Variants in MBP observed in about 807,000 individuals in gnomAD.
MBP encodes Golli-MBP.
A neutral mutation model predicts 35.8 loss-of-function variants in MBP; 16 were observed. The ratio of observed to expected loss-of-function variants is 0.45; its 90% CI spans 0.30 to 0.68. The LOEUF is 0.68. MBP is among the 30% of genes least tolerant of loss of function. The pLI is 0.08. For synonymous variants in MBP, 143 were observed against 159.6 expected (o/e 0.90, Z 0.78); for missense variants, 380 against 404.7 (o/e 0.94, Z 0.52).
At chr18:77,035,993 C>A (rs181323770) in intron 3 of MBP, among the ~76,000 whole-genome samples, 1 of 152,314 alleles carries the variant, frequency 6.6e-6, no homozygotes, top group African/African-American at 2.4e-5. Flanking sequence ...ACCGTCAGTT[C>A]TTGGGTCAAA....
intron 4 of MBP, chr18:77,016,538 A>C: frequency 7.9e-7 from 1 of 1,258,768 alleles, no homozygotes; most frequent in Non-Finnish European, 1.0e-6. Flanking sequence ...TCTTTCTGCA[A>C]CGCCCATGTC....
chr18:77,071,765 G>A (rs1184453076), intron 2 of MBP, among the ~76,000 whole-genome samples: 1 of 152,134 alleles, frequency 6.6e-6, no homozygotes, highest in East Asian at 1.9e-4. Context: ...GCCAAATTGG[G>A]TGCTTCAAAA....
intron 8 of MBP, chr18:76,981,424 C>G (rs997420419): frequency 6.6e-6 from 1 of 152,200 alleles, no homozygotes; most frequent in African/African-American, 2.4e-5. Flanking sequence ...TGCCCAGTAA[C>G]ACAAATAACC....
chr18:77,073,230 A>G (rs1248558695), intron 2 of MBP, among the ~76,000 whole-genome samples: 1 of 152,184 alleles, frequency 6.6e-6, no homozygotes, highest in Admixed American at 6.5e-5. Flanking sequence ...ATGTATATAT[A>G]TAAAAAGACT....
At position 77,044,635 on chromosome 18, in the gene MBP, G is replaced by C. The variant is rs10439001; in HGVS notation, c.139+21663C>G. The stretch of plus-strand genomic sequence containing the variant: ...CCCTCCGGTCACACCCTTCCATCCC[G>C]TGTGGTGCTGAGCCCCTCACACACA... On this transcript the variant is annotated intron_variant, in intron 3 of 8. Transcript: ENST00000355994. This position sits in a 1 kb window ranked among gnomAD's most constrained non-coding sequence, Gnocchi z 4.4. 1.8e-4 allele frequency among the ~76,000 whole-genome samples: 27 copies of C among 152,028 alleles called. No homozygotes were observed. The highest frequency in any genetic ancestry group is 5.1e-4 in the African/African-American group (21 of 41,432).
Position 76,980,363 on chromosome 18 carries a change from G to T in MBP, c.*64C>A. ...CTAATTAGGTAACAGGGGCAAGTGG[G>T]ATTAAAGTTTTAAGGCAGTTATATT... On this transcript the variant is annotated 3_prime_UTR_variant, in exon 9 of 9. Transcript: ENST00000355994. The T allele has an allele frequency of 6.9e-7, 1 of 1,442,000 alleles. No individual in the cohort carries two copies. The highest frequency in any genetic ancestry group is 9.8e-7 in the Non-Finnish European group (1 of 1,022,834). The allele number at this position is 1,442,000 out of a possible 1,614,324, so 89.3% of individuals were successfully genotyped here.
At chr18:76,987,428 T>A in intron 7 of MBP, 1 of 985,472 alleles carries the variant, frequency 1.0e-6, no homozygotes, top group Non-Finnish European at 1.2e-6. Context: ...ATATCTTAGT[T>A]CATAATTCAG....
At chr18:76,980,553 T>G in intron 8 of MBP, 82 bp from the exon 9 acceptor site, 2 of 1,078,168 alleles carry the variant, frequency 1.9e-6, no homozygotes, top group Non-Finnish European at 2.9e-6. Flanking sequence ...TGGTCCCGGG[T>G]GGATGCTGAG....
At chr18:77,123,409 A>G (rs932905289) in intron 1 of MBP, among the ~76,000 whole-genome samples, 2 of 152,242 alleles carry the variant, frequency 1.3e-5, no homozygotes, top group African/African-American at 4.8e-5. Flanking sequence ...TGCAAATTCA[A>G]TTTATCAGTG....
intron 3 of MBP, among the ~76,000 whole-genome samples, chr18:77,033,731 C>T (rs955268692): frequency 6.0e-5 from 9 of 151,042 alleles, no homozygotes; most frequent in Middle Eastern, 3.4e-3. Flanking sequence ...TCTGTCCATC[C>T]ATTTATCTAC....
At chr18:77,047,209 C>T (rs559053207) in intron 3 of MBP, among the ~76,000 whole-genome samples, 2 of 152,338 alleles carry the variant, frequency 1.3e-5, no homozygotes, top group African/African-American at 4.8e-5. Context: ...GTAGGATTCA[C>T]GACAGCCAAA....
chr18:77,094,668 G>A (rs186959258), intron 2 of MBP, among the ~76,000 whole-genome samples: 1 of 152,154 alleles, frequency 6.6e-6, no homozygotes, highest in Non-Finnish European at 1.5e-5. Context: ...ATTAACTTTT[G>A]TATGATTTTG....
intron 4 of MBP, among the ~76,000 whole-genome samples, chr18:76,992,263 C>T (rs956713230): frequency 1.1e-4 from 17 of 152,204 alleles, no homozygotes; most frequent in African/African-American, 4.1e-4. Context: ...CTCAGATCAT[C>T]AGGCATTAGA....
rs184883732 is a variant in MBP, at chr18:76,992,022, C to T, written c.577-1962G>A. On this transcript the variant is annotated intron_variant, in intron 4 of 8. Transcript: ENST00000355994. The stretch of plus-strand genomic sequence containing the variant: ...AGAGTGTGCTGCGTTTCGCCCAGCA[C>T]CGACATTGTTCACCTCTGTGTCTGA... 8.8e-4 allele frequency among the ~76,000 whole-genome samples: 134 copies of T among 152,354 alleles called. 1 individual carries two copies. The highest frequency in any genetic ancestry group is 1.3e-3 in the Non-Finnish European group (90 of 68,036).
chr18:77,066,410 C>A (rs1223354573), intron 2 of MBP, 25 bp from the exon 3 acceptor site: 2 of 1,391,876 alleles, frequency 1.4e-6, no homozygotes, highest in East Asian at 4.6e-5. Flanking sequence ...CACAACAAAC[C>A]CTTTTCTTAA....
At chr18:76,985,331 C>T (rs868675245) in intron 7 of MBP, 9 of 1,290,320 alleles carry the variant, frequency 7.0e-6, no homozygotes, top group Middle Eastern at 4.8e-4. Context: ...GGTGCCGGTC[C>T]CCGGAGGCCC....
chr18:77,014,972 C>A, intron 4 of MBP: 1 of 984,684 alleles, frequency 1.0e-6, no homozygotes, highest in Non-Finnish European at 1.2e-6. Context: ...TTTTATGGGT[C>A]CTTGATAATT....
chr18:77,126,514 T>C (rs1407433166), intron 1 of MBP, among the ~76,000 whole-genome samples: 14 of 152,152 alleles, frequency 9.2e-5, no homozygotes, highest in Admixed American at 7.9e-4. Flanking sequence ...TTATTGAATA[T>C]AGCACTGGAC....
intron 3 of MBP, among the ~76,000 whole-genome samples, chr18:77,042,781 G>A (rs1973071852): frequency 6.6e-6 from 1 of 152,222 alleles, no homozygotes; most frequent in Non-Finnish European, 1.5e-5. Flanking sequence ...AAGCGCCTGC[G>A]CAGTGCCTGC....
Sources: allele counts gnomAD v4.1 joint callset (sites outside exome capture counted in the v4.1 genomes callset), GRCh38; gene constraint gnomAD v4.1.1; non-coding constraint Gnocchi (gnomAD v3.1); transcripts MANE v1.5; gene names NCBI Gene and HGNC (gene_info 2026-07-23, HGNC 2026-07-21).